Variants in TEX36 observed in about 807,000 individuals in gnomAD.
TEX36 encodes the protein testis expressed 36.
A neutral mutation model predicts 13.6 loss-of-function variants in TEX36; 12 were observed. That is an observed-to-expected ratio of 0.88 (90% CI 0.56 to 1.43). The LOEUF is 1.43. Ranked by LOEUF, TEX36 falls within the 40% of genes most tolerant of loss-of-function variation. The pLI, the probability that TEX36 is intolerant of heterozygous loss-of-function variation, is 0.00. For missense variants in TEX36, 224 were observed against 228.3 expected (o/e 0.98, Z 0.12); for synonymous variants, 93 against 83.0 (o/e 1.12, Z -0.65).
chr10:125,611,388 T>C (rs890610954), intron 3 of TEX36, among the ~76,000 whole-genome samples: 3 of 152,232 alleles, frequency 2.0e-5, no homozygotes, highest in African/African-American at 7.2e-5. Flanking sequence ...TTCAAATCCC[T>C]GCCAATTTCA....
chr10:125,665,397 C>T (rs1847106271), intron 1 of TEX36, among the ~76,000 whole-genome samples: 1 of 152,050 alleles, frequency 6.6e-6, no homozygotes, highest in Non-Finnish European at 1.5e-5. Context: ...TTTAAGTCTT[C>T]AATTCATTTT....
chr10:125,582,614 G>C (rs1845896623), intron 3 of TEX36, among the ~76,000 whole-genome samples: 1 of 152,154 alleles, frequency 6.6e-6, no homozygotes. Flanking sequence ...GTTTAGTTGA[G>C]AGTGATTCAG....
At chr10:125,652,452 G>T (rs1846875807), downstream of TEX36, among the ~76,000 whole-genome samples, 1 of 152,150 alleles carries the variant, frequency 6.6e-6, no homozygotes, top group Non-Finnish European at 1.5e-5. Context: ...AGCTGAAATG[G>T]ATCTCTTCCT....
chr10:125,631,143 G>A (rs1291227199), intron 3 of TEX36, among the ~76,000 whole-genome samples: 1 of 152,238 alleles, frequency 6.6e-6, no homozygotes, highest in Non-Finnish European at 1.5e-5. Context: ...CAGGCATGCT[G>A]AAAGGATTTT....
At chr10:125,671,457 A>C (rs1405069300) in intron 1 of TEX36, among the ~76,000 whole-genome samples, 1 of 152,258 alleles carries the variant, frequency 6.6e-6, no homozygotes, top group African/African-American at 2.4e-5. Flanking sequence ...ACATTGAACC[A>C]GCCTTGCATC....
At chr10:125,603,804 C>A (rs1431590087) in intron 3 of TEX36, among the ~76,000 whole-genome samples, 1 of 152,012 alleles carries the variant, frequency 6.6e-6, no homozygotes, top group Non-Finnish European at 1.5e-5. Flanking sequence ...TGAGATGATA[C>A]ACCCCCCTCC....
At chr10:125,656,699 G>A (rs923832819) in intron 3 of TEX36, among the ~76,000 whole-genome samples, 4 of 152,064 alleles carry the variant, frequency 2.6e-5, no homozygotes, top group African/African-American at 9.7e-5. Flanking sequence ...ACCCTGGCAG[G>A]GTTCTGTTAT....
At chr10:125,604,627 C>A (rs903644852) in intron 3 of TEX36, among the ~76,000 whole-genome samples, 1 of 152,150 alleles carries the variant, frequency 6.6e-6, no homozygotes, top group Non-Finnish European at 1.5e-5. Context: ...TCCTGGTCAA[C>A]AAGGTGAAAC....
intron 3 of TEX36, among the ~76,000 whole-genome samples, chr10:125,636,945 C>T (rs1001681762): frequency 2.0e-5 from 3 of 151,984 alleles, no homozygotes; most frequent in African/African-American, 7.3e-5. Flanking sequence ...TCCCCCAGGC[C>T]CCAGGTCACC....
chr10:125,667,986 A>G, intron 1 of TEX36: 2 of 798,542 alleles, frequency 2.5e-6, no homozygotes, highest in Non-Finnish European at 4.4e-6. Context: ...GCTTCAAAGG[A>G]AATTTCTTCC....
intron 3 of TEX36, among the ~76,000 whole-genome samples, chr10:125,623,979 G>A (rs1175853230): frequency 6.6e-6 from 1 of 152,146 alleles, no homozygotes. Flanking sequence ...TAACCCGTGT[G>A]GACAGGTTGG....
In TEX36 at chr10:125,656,141, A is replaced by T. The variant is rs1846937722; in HGVS notation, c.320T>A (p.Phe107Tyr). 1 of 1,546,144 alleles carries T rather than the reference A, an allele frequency of 6.5e-7. No individual in the cohort carries two copies. The highest frequency in any genetic ancestry group is 1.4e-5 in the African/African-American group (1 of 72,786). Residue 107 changes from phenylalanine (F) to tyrosine (Y), a missense_variant, in exon 4 of 4, where the codon TTT becomes TAT. Phe to Tyr is a conservative substitution (Grantham distance 22, BLOSUM62 3). Coordinates refer to ENST00000368821, the MANE Select transcript of TEX36 (RefSeq NM_001128202.3). The part of the protein sequence containing the change: ...PDKRQHVSRN[F>Y]NLWACDYVPS... ...AACATAGTCACATGCCCAGAGATTA[A>T]AATTTCTTGAAACATGTTGCCTCTT...
chr10:125,631,828 C>T (rs1479134140), intron 3 of TEX36, among the ~76,000 whole-genome samples: 1 of 152,138 alleles, frequency 6.6e-6, no homozygotes, highest in Non-Finnish European at 1.5e-5. Context: ...GCAAGTGAGG[C>T]CACTTGCAGA....
chr10:125,669,438 C>T (rs1229466725), intron 1 of TEX36, among the ~76,000 whole-genome samples: 1 of 152,000 alleles, frequency 6.6e-6, no homozygotes, highest in Non-Finnish European at 1.5e-5. Context: ...CAAGATCATG[C>T]CATTGCACTC....
chr10:125,617,662 A>C (rs940432452), downstream of TEX36, among the ~76,000 whole-genome samples: 1 of 152,260 alleles, frequency 6.6e-6, no homozygotes, highest in African/African-American at 2.4e-5. Flanking sequence ...ATCTGCTGTT[A>C]GTCTGATGGG....
At chr10:125,667,985 G>A in intron 1 of TEX36, 1 of 802,714 alleles carries the variant, frequency 1.2e-6, no homozygotes, top group South Asian at 1.4e-5. Context: ...TGCTTCAAAG[G>A]AAATTTCTTC....
intron 3 of TEX36, among the ~76,000 whole-genome samples, chr10:125,658,660 T>A (rs1339549334): frequency 6.6e-6 from 1 of 152,134 alleles, no homozygotes; most frequent in Non-Finnish European, 1.5e-5. Context: ...AGTGAGAATC[T>A]TAGATTATAC....
chr10:125,675,323 CT>C (rs1435296301), intron 1 of TEX36, among the ~76,000 whole-genome samples: 3 of 152,132 alleles, frequency 2.0e-5, no homozygotes, highest in African/African-American at 7.2e-5. Flanking sequence ...ACTCCTCCCC[CT>C]GGGAGCTCAG....
intron 3 of TEX36, among the ~76,000 whole-genome samples, chr10:125,588,453 A>G (rs1845984028): frequency 6.6e-6 from 1 of 152,242 alleles, no homozygotes; most frequent in South Asian, 2.1e-4. Context: ...CAGGCTCTAC[A>G]GGAAGCAGAG....
Sources: gnomAD v4.1 joint callset for allele counts (sites outside exome capture counted in the v4.1 genomes callset) on GRCh38, gnomAD v4.1.1 for gene constraint, MANE v1.5 for transcripts, NCBI Gene and HGNC (gene_info 2026-07-23, HGNC 2026-07-21) for gene names.